The following RTN4RL1 variants were observed in gnomAD, a reference collection of about 807,000 sequenced individuals.
RTN4RL1 encodes reticulon-4 receptor-like 1.
A neutral mutation model predicts 25.6 loss-of-function variants in RTN4RL1; 7 were observed. The ratio of observed to expected loss-of-function variants is 0.27; its 90% CI spans 0.16 to 0.51. RTN4RL1 has a LOEUF of 0.51. Ranked by LOEUF, RTN4RL1 falls within the 20% of genes least tolerant of loss-of-function variation. The probability of loss-of-function intolerance (pLI) is 0.97; values close to 1 mark genes in which losing one functional copy is unlikely to be tolerated. For missense variants in RTN4RL1, 500 were observed against 615.6 expected (o/e 0.81, Z 1.99); for synonymous variants, 297 against 288.2 (o/e 1.03, Z -0.31).
At chr17:1,979,059 G>A (rs993041613) in intron 1 of RTN4RL1, among the ~76,000 whole-genome samples, 4 of 152,342 alleles carry the variant, frequency 2.6e-5, no homozygotes, top group Non-Finnish European at 5.9e-5. Context: ...CATCACTTGG[G>A]GTCAGGAGTT....
intron 1 of RTN4RL1, among the ~76,000 whole-genome samples, chr17:1,961,217 C>T (rs1292010833): frequency 6.6e-6 from 1 of 152,102 alleles, no homozygotes; most frequent in Non-Finnish European, 1.5e-5. Context: ...AGGAAGAAAG[C>T]GGTGCTGCTG....
chr17:2,020,466 A>T (rs2151331316), intron 1 of RTN4RL1: 1 of 152,294 alleles, frequency 6.6e-6, no homozygotes, highest in Admixed American at 6.5e-5. Context: ...TGAAGCAACC[A>T]TCTGATGCCA....
At chr17:2,017,939 G>GT (rs1359263706) in intron 1 of RTN4RL1, 9 of 152,356 alleles carry the variant, frequency 5.9e-5, no homozygotes, top group African/African-American at 2.2e-4. Flanking sequence ...TCTCTGCCTT[G>GT]TTTCATCTTC....
At chr17:1,992,090 C>T (rs778384781) in intron 1 of RTN4RL1, among the ~76,000 whole-genome samples, 11 of 151,690 alleles carry the variant, frequency 7.3e-5, no homozygotes, top group Non-Finnish European at 1.3e-4. Context: ...TCGTGCCGGG[C>T]GCAGTGGCTC....
At chr17:1,976,698 C>T (rs2066843958) in intron 1 of RTN4RL1, among the ~76,000 whole-genome samples, 1 of 152,156 alleles carries the variant, frequency 6.6e-6, no homozygotes, top group South Asian at 2.1e-4. Flanking sequence ...CAAACCATTG[C>T]CCCACTCCTG....
intron 1 of RTN4RL1, among the ~76,000 whole-genome samples, chr17:1,964,491 G>A (rs546471835): frequency 6.6e-6 from 1 of 152,138 alleles, no homozygotes; most frequent in South Asian, 2.1e-4. Flanking sequence ...CCAGCACTTT[G>A]GGAGGCCAAG....
intron 1 of RTN4RL1, among the ~76,000 whole-genome samples, chr17:1,977,754 A>C (rs1290760183): frequency 6.6e-6 from 1 of 152,030 alleles, no homozygotes; most frequent in Non-Finnish European, 1.5e-5. Context: ...GCCCTCACCG[A>C]GGTGTTACAA....
At chr17:1,999,253 C>T (rs1430544023) in intron 1 of RTN4RL1, among the ~76,000 whole-genome samples, 4 of 151,876 alleles carry the variant, frequency 2.6e-5, no homozygotes, top group Non-Finnish European at 5.9e-5. Flanking sequence ...GGAGACCATC[C>T]TGGCCAACAT....
At chr17:1,991,516 C>T (rs989450278) in intron 1 of RTN4RL1, among the ~76,000 whole-genome samples, 5 of 150,292 alleles carry the variant, frequency 3.3e-5, no homozygotes, top group African/African-American at 1.2e-4. Flanking sequence ...AGTAAGTCTC[C>T]TTTCCTCTCC....
Position 1,994,436 on chromosome 17 carries a change from G to A in RTN4RL1, c.13+30417C>T, listed in dbSNP as rs1326687411. On this transcript the variant is annotated intron_variant, in intron 1 of 1. Coordinates refer to ENST00000331238, the MANE Select transcript of RTN4RL1 (RefSeq NM_178568.4). The surrounding 1 kb of genome is among the most constrained non-coding windows in gnomAD (Gnocchi z 4.3). ...CTCGGGCAAAAGCAGGGCGAGTACTGCCCAAGTCCTGAATATCCTCGGCCT... is the reference window on the plus strand; with the variant it reads ...CTCGGGCAAAAGCAGGGCGAGTACTACCCAAGTCCTGAATATCCTCGGCCT... Among the ~76,000 whole-genome samples, 2 of 152,132 alleles carry A rather than the reference G, an allele frequency of 1.3e-5. No homozygotes were observed. Among genetic ancestry groups the A allele is most frequent in the Non-Finnish European group, 2.9e-5 (2 of 68,022 alleles).
chr17:1,993,167 G>A (rs2066916753), intron 1 of RTN4RL1, among the ~76,000 whole-genome samples: 1 of 152,170 alleles, frequency 6.6e-6, no homozygotes, highest in African/African-American at 2.4e-5. Flanking sequence ...AGAATCGCTT[G>A]AACCTGGGAG....
At chr17:2,002,875 G>T (rs2066968853) in intron 1 of RTN4RL1, among the ~76,000 whole-genome samples, 1 of 152,182 alleles carries the variant, frequency 6.6e-6, no homozygotes, top group Admixed American at 6.5e-5. Flanking sequence ...GCAAGGGTGG[G>T]GCGGGACGGA....
At chr17:2,006,652 G>T (rs1484583701) in intron 1 of RTN4RL1, among the ~76,000 whole-genome samples, 1 of 151,790 alleles carries the variant, frequency 6.6e-6, no homozygotes, top group South Asian at 2.1e-4. Context: ...ACAGTCTCTC[G>T]CTTTGTTGCC....
intron 1 of RTN4RL1, among the ~76,000 whole-genome samples, chr17:1,969,021 TACAAGTCAGACTCGTGGGGGA>T (rs1186337394): frequency 6.7e-6 from 1 of 149,814 alleles, no homozygotes; most frequent in Non-Finnish European, 1.5e-5. Flanking sequence ...ATCTGCTGTC[TACAAGTCAGACTCGTGGGGGA>T]GCTGGACCAC....
At chr17:1,944,919 C>G (rs937127393) in intron 1 of RTN4RL1, among the ~76,000 whole-genome samples, 1 of 152,234 alleles carries the variant, frequency 6.6e-6, no homozygotes, top group Non-Finnish European at 1.5e-5. Context: ...GGAGATCCAG[C>G]ACCCCTCTGT....
intron 1 of RTN4RL1, among the ~76,000 whole-genome samples, chr17:2,002,192 T>TCTTC (rs1208655091): frequency 6.6e-6 from 1 of 151,908 alleles, no homozygotes; most frequent in Non-Finnish European, 1.5e-5. Context: ...GCAAGGACTG[T>TCTTC]CTTCCTTCCT....
rs1321068861 is a variant in RTN4RL1, at chr17:1,937,426, G to C, written c.396C>G (p.Leu132=). The change falls in exon 2 of 2, where the codon CTC becomes CTG. Residue 132 remains leucine (L), a synonymous_variant. Transcript: ENST00000331238. ...GCAAGGCGCTGAGCCCACACTTGTA[G>C]AGGTAGAGGGCGTGAAGCTTCACCA... ...QGLVKLHALY[L]YKCGLSALPA... is the part of the protein sequence containing the mutation. The C allele has an allele frequency of 1.2e-6, 2 of 1,613,874 alleles. No individual in the cohort carries two copies. The highest frequency in any genetic ancestry group is 3.3e-5 in the Admixed American group (2 of 60,018).
intron 1 of RTN4RL1, among the ~76,000 whole-genome samples, chr17:1,971,761 G>C (rs1442965608): frequency 6.6e-6 from 1 of 151,964 alleles, no homozygotes; most frequent in African/African-American, 2.4e-5. Flanking sequence ...AGGAGATCGA[G>C]ACCATCCTAG....
intron 1 of RTN4RL1, among the ~76,000 whole-genome samples, chr17:1,979,565 A>C (rs552744689): frequency 6.6e-6 from 1 of 152,168 alleles, no homozygotes; most frequent in Non-Finnish European, 1.5e-5. Flanking sequence ...GGCTTTGCCT[A>C]ACTGCCCAAC....
Sources: gnomAD v4.1 joint callset for allele counts (sites outside exome capture counted in the v4.1 genomes callset) on GRCh38, gnomAD v4.1.1 for gene constraint, Gnocchi (gnomAD v3.1) non-coding constraint, MANE v1.5 for transcripts, NCBI Gene and HGNC (gene_info 2026-07-23, HGNC 2026-07-21) for gene names.